IGSF5: variants seen among roughly 807,000 people sequenced by gnomAD.
IGSF5 encodes immunoglobulin superfamily member 5.
A neutral mutation model predicts 39.4 loss-of-function variants in IGSF5; 41 were observed. The ratio of observed to expected loss-of-function variants is 1.04; its 90% CI spans 0.81 to 1.35. The LOEUF (loss-of-function observed/expected upper bound fraction) is 1.35. Ranked by LOEUF, IGSF5 falls within the 40% of genes most tolerant of loss-of-function variation. The pLI, the probability that IGSF5 is intolerant of heterozygous loss-of-function variation, is 0.00. For synonymous variants in IGSF5, 183 were observed against 175.3 expected (o/e 1.04, Z -0.34); for missense variants, 487 against 494.6 (o/e 0.98, Z 0.15).
rs373579328 is a variant in IGSF5 at position 39,765,677 on chromosome 21, C to T, written c.243C>T (p.Val81=). ...WALSDMVVLS[V]RPMEPIITND... is the part of the protein sequence containing the mutation. ...TCAGTGACATGGTGGTGCTAAGCGT[C>T]AGGCCCATGGAGCCCATCATCACCA... Residue 81 remains valine (V), a synonymous_variant, in exon 3 of 9, where the codon GTC becomes GTT. Transcript: ENST00000380588. 1.2e-6 allele frequency: 2 copies of T among 1,613,996 alleles called. No homozygotes were observed. The highest frequency in any genetic ancestry group is 1.7e-6 in the Non-Finnish European group (2 of 1,180,022).
chr21:39,717,441 C>T, the IGSF5 span, among the ~76,000 whole-genome samples: 2 of 152,122 alleles, frequency 1.3e-5, no homozygotes, highest in African/African-American at 4.8e-5. Context: ...ATGGTATTGC[C>T]TAGGTTGTCT....
chr21:39,748,678 G>C (rs2079988460), intron 2 of IGSF5, among the ~76,000 whole-genome samples: 2 of 152,130 alleles, frequency 1.3e-5, no homozygotes, highest in Admixed American at 6.5e-5. Context: ...TTGGGAGTGA[G>C]GGCTTCAACA....
chr21:39,715,665 A>T, the IGSF5 span, among the ~76,000 whole-genome samples: 1 of 152,226 alleles, frequency 6.6e-6, no homozygotes, highest in East Asian at 1.9e-4. Flanking sequence ...AAGAAAATAG[A>T]TCCTTGCTCT....
chr21:39,751,699 G>A (rs2080006721), intron 2 of IGSF5, among the ~76,000 whole-genome samples: 1 of 152,180 alleles, frequency 6.6e-6, no homozygotes, highest in South Asian at 2.1e-4. Flanking sequence ...TACAAATGCA[G>A]TTTTGTTACA....
At chr21:39,756,015 T>C (rs9753866) in intron 2 of IGSF5, among the ~76,000 whole-genome samples, 124,002 of 151,862 alleles carry the variant, frequency 0.82, 50,822 homozygotes, top group Admixed American at 0.86. Context: ...TGCTTGAACC[T>C]GGGAGGCGGA....
chr21:39,771,226 A>G lies in IGSF5; in HGVS notation c.718+11A>G. On this transcript the variant is annotated intron_variant, in intron 4 of 8. Transcript: ENST00000380588. ...TTCGGTGTCCCCAAGGTAAGTGAAG[A>G]CATTCTGCTTTATATGAAATGAATG... is the stretch of plus-strand genomic sequence containing the variant. The G allele has an allele frequency of 6.5e-7, 1 of 1,534,950 alleles. No homozygotes were observed. The highest frequency in any genetic ancestry group is 8.8e-7 in the Non-Finnish European group (1 of 1,137,880).
intron 2 of IGSF5, among the ~76,000 whole-genome samples, chr21:39,748,919 G>T (rs1480315048): frequency 6.6e-6 from 1 of 152,114 alleles, no homozygotes; most frequent in Non-Finnish European, 1.5e-5. Flanking sequence ...TGACAAAAAG[G>T]ATACAAATGA....
At chr21:39,742,692 G>A (rs1405370927), upstream of IGSF5, among the ~76,000 whole-genome samples, 1 of 152,192 alleles carries the variant, frequency 6.6e-6, no homozygotes, top group Admixed American at 6.5e-5. Flanking sequence ...CTGGAAGTAA[G>A]CCCTATTAGG....
the IGSF5 span, among the ~76,000 whole-genome samples, chr21:39,726,571 C>T: frequency 6.6e-6 from 1 of 152,174 alleles, no homozygotes; most frequent in Non-Finnish European, 1.5e-5. Context: ...GGTGCATGCC[C>T]CTCACCAAGG....
At chr21:39,799,028 C>G (rs1045493814) in intron 8 of IGSF5, among the ~76,000 whole-genome samples, 11 of 152,166 alleles carry the variant, frequency 7.2e-5, no homozygotes, top group Non-Finnish European at 1.3e-4. Context: ...CTGACTTAGG[C>G]CAGGTCCTCA....
chr21:39,762,880 C>T (rs1021836608), intron 2 of IGSF5, among the ~76,000 whole-genome samples: 2 of 151,980 alleles, frequency 1.3e-5, no homozygotes, highest in African/African-American at 2.4e-5. Context: ...TTAGTGACAA[C>T]CATAGCTAGT....
Position 39,779,143 on chromosome 21 carries a change from G to T in IGSF5, c.772G>T (p.Gly258Cys). ...TGTATTATCAAGTTTACCGAGTTTAGGTTTTTCATTGCCTACTTGGGGCAA... is the reference window on the plus strand; with the variant it reads ...TGTATTATCAAGTTTACCGAGTTTATGTTTTTCATTGCCTACTTGGGGCAA... ...PGVLSSLPSL[G>C]FSLPTWGKVG... Residue 258 changes from glycine (G) to cysteine (C), a missense_variant, in exon 5 of 9, where the codon GGT becomes TGT. Physicochemically the swap from Gly to Cys is radical, Grantham distance 159 (BLOSUM62 -3). Transcript: ENST00000380588. 1 of 1,614,040 alleles carries T rather than the reference G, an allele frequency of 6.2e-7. No homozygotes were observed.
At chr21:39,734,422 C>CAA in the IGSF5 span, among the ~76,000 whole-genome samples, 1,494 of 96,314 alleles carry the variant, frequency 0.016, 44 homozygotes, top group African/African-American at 0.06. Flanking sequence ...GACTCTGTCT[C>CAA]AAAAAAAAAA....
At chr21:39,718,200 A>G in the IGSF5 span, among the ~76,000 whole-genome samples, 4,722 of 152,138 alleles carry the variant, frequency 0.031, 258 homozygotes, top group African/African-American at 0.11. Flanking sequence ...TTGATTTTAT[A>G]TCTTGCAACT....
chr21:39,745,453 G>A lies in IGSF5; in HGVS notation c.-57G>A, dbSNP rs1340927586. 1 of 709,120 alleles carries A rather than the reference G, an allele frequency of 1.4e-6. No individual in the cohort carries two copies. The highest frequency in any genetic ancestry group is 2.7e-5 in the East Asian group (1 of 37,228). The allele number at this position is 709,120 out of a possible 1,614,324, so 43.9% of individuals were successfully genotyped here. A position where few individuals can be genotyped will look rare whatever the true frequency, so the allele number is the denominator to read the frequency against. ...GGGATCAGAGGAAGTAGATTCAGAG[G>A]TAAGGAGAATTTTGGGGCTATACTT... On this transcript the variant is annotated 5_prime_UTR_variant, in exon 1 of 9. Coordinates refer to ENST00000380588, the MANE Select transcript of IGSF5 (RefSeq NM_001080444.2).
At chr21:39,789,112 AATT>A (rs1319940809) in intron 6 of IGSF5, among the ~76,000 whole-genome samples, 1 of 152,096 alleles carries the variant, frequency 6.6e-6, no homozygotes, top group African/African-American at 2.4e-5. Flanking sequence ...AGACCCTGAT[AATT>A]ATTCTGGCAT....
chr21:39,741,481 A>G (rs1355762468), upstream of IGSF5, among the ~76,000 whole-genome samples: 2 of 152,146 alleles, frequency 1.3e-5, no homozygotes, highest in Admixed American at 1.3e-4. Context: ...TTTGGTTTGG[A>G]AACCTTGTAG....
chr21:39,783,556 A>G (rs1345924113), intron 5 of IGSF5, among the ~76,000 whole-genome samples: 2 of 152,186 alleles, frequency 1.3e-5, no homozygotes, highest in African/African-American at 4.8e-5. Context: ...CCATTAACTC[A>G]TTTTAACATT....
At chr21:39,741,056 CAGA>C (rs2079946549), upstream of IGSF5, among the ~76,000 whole-genome samples, 1 of 152,202 alleles carries the variant, frequency 6.6e-6, no homozygotes, top group Non-Finnish European at 1.5e-5. Flanking sequence ...ACTCGTCCCT[CAGA>C]CCAGCGCAAG....
Sources: gnomAD v4.1 joint callset for allele counts (sites outside exome capture counted in the v4.1 genomes callset) on GRCh38, gnomAD v4.1.1 for gene constraint, MANE v1.5 for transcripts, NCBI Gene and HGNC (gene_info 2026-07-23, HGNC 2026-07-21) for gene names.